The following FAM110B variants were observed in gnomAD, a reference collection of about 807,000 sequenced individuals.
The protein encoded by FAM110B is protein FAM110B.
A neutral mutation model predicts 20.4 loss-of-function variants in FAM110B; 6 were observed. The observed-to-expected ratio is 0.29, with a 90% CI of 0.16 to 0.58. FAM110B has a LOEUF of 0.58. Among genes scored for constraint, FAM110B ranks in the 20% least tolerant of loss-of-function variants. The probability of loss-of-function intolerance (pLI) is 0.90; values close to 1 mark genes in which losing one functional copy is unlikely to be tolerated. For synonymous variants in FAM110B, 226 were observed against 214.1 expected (o/e 1.06, Z -0.49); for missense variants, 434 against 498.2 (o/e 0.87, Z 1.23).
intron 1 of FAM110B, among the ~76,000 whole-genome samples, chr8:57,995,332 T>C (rs991770698): frequency 6.6e-6 from 1 of 152,212 alleles, no homozygotes; most frequent in Non-Finnish European, 1.5e-5. Flanking sequence ...AATCCTTTGC[T>C]GAGAATTACT....
rs77631547 is a variant in FAM110B at position 58,089,410 on chromosome 8, T to C, written c.-325+13787T>C. ...TTTAATTTACTTGTGGGTGCCTTGG[T>C]TTTGTGGGTTTTGCTTTCCACAAAA... On this transcript the variant is annotated intron_variant, in intron 3 of 3. Coordinates refer to ENST00000519262, the MANE Select transcript of FAM110B (RefSeq NM_001377989.1). Among the ~76,000 whole-genome samples the C allele has an allele frequency of 7.1e-3, 1,084 of 152,302 alleles. 11 individuals carry two copies. The highest frequency in any genetic ancestry group is 8.1e-3 in the Non-Finnish European group (552 of 68,020).
intron 3 of FAM110B, among the ~76,000 whole-genome samples, chr8:58,091,017 G>C (rs1168700970): frequency 1.3e-5 from 2 of 152,126 alleles, no homozygotes; most frequent in Non-Finnish European, 2.9e-5. Context: ...ACAGCCCCTT[G>C]GTCTAGATGA....
intron 1 of FAM110B, among the ~76,000 whole-genome samples, chr8:58,008,035 CAGTTTT>C: frequency 6.6e-6 from 1 of 151,544 alleles, no homozygotes; most frequent in Middle Eastern, 3.4e-3. Flanking sequence ...ACAAGCAAGG[CAGTTTT>C]TATCTGTGCT....
chr8:58,123,335 C>T (rs1308945048), intron 3 of FAM110B, among the ~76,000 whole-genome samples: 3 of 152,184 alleles, frequency 2.0e-5, no homozygotes, highest in Non-Finnish European at 4.4e-5. Flanking sequence ...CAGGCAAATG[C>T]ACTCACTTCT....
intron 3 of FAM110B, among the ~76,000 whole-genome samples, chr8:58,124,205 A>C (rs1807435523): frequency 6.6e-6 from 1 of 152,232 alleles, no homozygotes; most frequent in Admixed American, 6.5e-5. Context: ...ATACTGGCAG[A>C]ACATTCAGTA....
intron 3 of FAM110B, among the ~76,000 whole-genome samples, chr8:58,133,106 G>T (rs1803517994): frequency 6.6e-6 from 1 of 151,678 alleles, no homozygotes; most frequent in Non-Finnish European, 1.5e-5. Flanking sequence ...TGCCCTCCCA[G>T]CAATGTCTGT....
intron 2 of FAM110B, among the ~76,000 whole-genome samples, chr8:58,062,497 T>C (rs184676199): frequency 6.6e-6 from 1 of 152,310 alleles, no homozygotes; most frequent in Non-Finnish European, 1.5e-5. Flanking sequence ...CTTTAAAATA[T>C]ACATATATAA....
chr8:58,045,672 C>T (rs1412065428), intron 2 of FAM110B, among the ~76,000 whole-genome samples: 5 of 152,102 alleles, frequency 3.3e-5, no homozygotes, highest in East Asian at 1.9e-4. Context: ...CAAAAGTCAT[C>T]GGCCATCTGT....
intron 3 of FAM110B, among the ~76,000 whole-genome samples, chr8:58,102,739 A>G (rs1174425807): frequency 3.3e-5 from 5 of 151,994 alleles, no homozygotes; most frequent in African/African-American, 1.2e-4. Context: ...CCTTTTTCAT[A>G]GTTTCCAGTG....
intron 1 of FAM110B, among the ~76,000 whole-genome samples, chr8:57,995,479 C>T (rs1804166108): frequency 6.6e-6 from 1 of 152,166 alleles, no homozygotes; most frequent in South Asian, 2.1e-4. Flanking sequence ...TTGGCTCACT[C>T]GTGTCTCCAT....
chr8:58,004,400 C>G (rs540687890), intron 1 of FAM110B, among the ~76,000 whole-genome samples: 143 of 152,358 alleles, frequency 9.4e-4, no homozygotes, highest in Admixed American at 2.7e-3. Flanking sequence ...TACATCAGCA[C>G]TTGCTGCTTC....
At chr8:58,108,780 T>C (rs1415381679) in intron 3 of FAM110B, among the ~76,000 whole-genome samples, 1 of 152,244 alleles carries the variant, frequency 6.6e-6, no homozygotes, top group African/African-American at 2.4e-5. Context: ...GTCTCCCACT[T>C]TTCCATGTTG....
chr8:58,020,988 A>G (rs948451100), intron 1 of FAM110B, among the ~76,000 whole-genome samples: 7 of 152,096 alleles, frequency 4.6e-5, no homozygotes, highest in African/African-American at 1.4e-4. Context: ...GCTCCTTTGC[A>G]TTTATTATTT....
chr8:58,097,254 T>A (rs1279961097), intron 3 of FAM110B, among the ~76,000 whole-genome samples: 1 of 152,234 alleles, frequency 6.6e-6, no homozygotes, highest in Non-Finnish European at 1.5e-5. Flanking sequence ...TTCATTCTTT[T>A]TTCTCTAATC....
At chr8:58,137,073 T>C (rs1280974268) in intron 3 of FAM110B, among the ~76,000 whole-genome samples, 2 of 152,358 alleles carry the variant, frequency 1.3e-5, no homozygotes, top group African/African-American at 4.8e-5. Context: ...CAAATAAAAA[T>C]GGGGTCATAC....
chr8:58,148,166 GTTTTTTT>G lies in FAM110B; in HGVS notation c.*837_*843del, dbSNP rs377258015. On this transcript the variant is annotated 3_prime_UTR_variant, in exon 4 of 4. Transcript: ENST00000519262. ...AAAAAAAAAAAAGTTGTGGTTTTTT[GTTTTTTT>G]TTTTTTTTTTTTTGGTCGAGAACTA... 3.2e-5 allele frequency: 3 copies of G among 93,988 alleles called. No individual in the cohort carries two copies. The highest frequency in any genetic ancestry group is 4.4e-4 in the South Asian group (1 of 2,254). The allele number at this position is 93,988 out of a possible 1,614,324, so 5.8% of individuals were successfully genotyped here.
At chr8:58,108,761 C>T (rs999067700) in intron 3 of FAM110B, among the ~76,000 whole-genome samples, 1 of 152,160 alleles carries the variant, frequency 6.6e-6, no homozygotes, top group African/African-American at 2.4e-5. Context: ...GCTCAGAGGG[C>T]CTGTCCCGGT....
At chr8:58,132,946 A>G (rs998635561) in intron 3 of FAM110B, among the ~76,000 whole-genome samples, 1 of 152,220 alleles carries the variant, frequency 6.6e-6, no homozygotes, top group African/African-American at 2.4e-5. Flanking sequence ...TTCTTTAGTA[A>G]ACAAGAGTGA....
intron 3 of FAM110B, among the ~76,000 whole-genome samples, chr8:58,130,123 A>G (rs929474299): frequency 1.1e-4 from 16 of 152,204 alleles, no homozygotes; most frequent in Admixed American, 1.3e-4. Context: ...ACAGATGTTA[A>G]GTCTACCTCT....
Sources: gnomAD v4.1 joint callset for allele counts (sites outside exome capture counted in the v4.1 genomes callset) on GRCh38, gnomAD v4.1.1 for gene constraint, MANE v1.5 for transcripts, NCBI Gene and HGNC (gene_info 2026-07-23, HGNC 2026-07-21) for gene names.